SVIL: variants seen among roughly 807,000 people sequenced by gnomAD.
SVIL encodes the protein supervillin, also known as archvillin.
In SVIL, 101 loss-of-function variants were observed where a neutral mutation model predicts 240.4. The ratio of observed to expected loss-of-function variants is 0.42; its 90% CI spans 0.36 to 0.50. The LOEUF (loss-of-function observed/expected upper bound fraction) is 0.50, where lower values mean the gene tolerates loss of function less well. SVIL is among the 20% of genes least tolerant of loss of function. SVIL has a pLI of 0.01. For missense variants in SVIL, 2,512 were observed against 2,818.7 expected (o/e 0.89, Z 2.46); for synonymous variants, 999 against 1,100.0 (o/e 0.91, Z 1.82).
intron 1 of SVIL, among the ~76,000 whole-genome samples, chr10:29,617,587 AAAAAG>A (rs1326732556): frequency 2.0e-5 from 3 of 151,954 alleles, no homozygotes; most frequent in South Asian, 2.1e-4. Flanking sequence ...CTAAAAAAAA[AAAAAG>A]AAAGAAAGAA....
chr10:29,527,151 T>A (rs1950978188), intron 12 of SVIL, 95 bp from the exon 13 acceptor site: 19 of 1,146,858 alleles, frequency 1.7e-5, no homozygotes, highest in Non-Finnish European at 2.4e-5. Context: ...AAACGTTAAA[T>A]CAAAAATTTT....
upstream of SVIL, among the ~76,000 whole-genome samples, chr10:29,639,700 C>T (rs189424588): frequency 2.0e-4 from 30 of 152,028 alleles, no homozygotes; most frequent in East Asian, 2.7e-3. Flanking sequence ...CTTCTAACCT[C>T]GCGTGATCTG....
At chr10:29,645,335 C>T (rs951760508) in intron 3 of SVIL, among the ~76,000 whole-genome samples, 3 of 151,984 alleles carry the variant, frequency 2.0e-5, no homozygotes, top group Non-Finnish European at 4.4e-5. Flanking sequence ...TTTGGGAGGC[C>T]GAGGCGAGAG....
chr10:29,498,246 G>A (rs1042758542), intron 18 of SVIL, among the ~76,000 whole-genome samples: 20 of 151,874 alleles, frequency 1.3e-4, no homozygotes, highest in African/African-American at 2.9e-4. Flanking sequence ...GTGAAACTCC[G>A]TCTGTATTAA....
At chr10:29,719,734 T>C (rs1927457) in intron 1 of SVIL, among the ~76,000 whole-genome samples, 50,434 of 151,870 alleles carry the variant, frequency 0.33, 8,732 homozygotes, top group East Asian at 0.48. Flanking sequence ...GAAAAGACTA[T>C]TGAACTTGAA....
At chr10:29,553,495 C>T (rs1390619197) in intron 5 of SVIL, among the ~76,000 whole-genome samples, 7 of 152,070 alleles carry the variant, frequency 4.6e-5, no homozygotes, top group African/African-American at 9.7e-5. Context: ...GCAGGAGAAT[C>T]GCTTAAACCT....
At chr10:29,525,813 C>T (rs1215621197) in intron 13 of SVIL, among the ~76,000 whole-genome samples, 2 of 152,086 alleles carry the variant, frequency 1.3e-5, no homozygotes, top group African/African-American at 4.8e-5. Flanking sequence ...AATGCACAGG[C>T]TATCCCAGGC....
intron 18 of SVIL, among the ~76,000 whole-genome samples, chr10:29,497,543 A>T (rs556389536): frequency 6.6e-6 from 1 of 152,308 alleles, no homozygotes; most frequent in East Asian, 1.9e-4. Context: ...ATAGGCATCA[A>T]ATCAGTTCCA....
intron 3 of SVIL, among the ~76,000 whole-genome samples, chr10:29,655,985 C>T (rs374514490): frequency 9.2e-5 from 14 of 151,406 alleles, no homozygotes; most frequent in African/African-American, 2.9e-4. Flanking sequence ...CTTCTCCTGC[C>T]TCAGCCTCCC....
chr10:29,704,811 C>A (rs182075930), intron 1 of SVIL, among the ~76,000 whole-genome samples: 3 of 148,148 alleles, frequency 2.0e-5, no homozygotes, highest in South Asian at 2.1e-4. Context: ...CAAGCCCTAC[C>A]TAATCTCCCA....
intron 1 of SVIL, among the ~76,000 whole-genome samples, chr10:29,691,212 ATTT>A (rs1364591858): frequency 7.0e-6 from 1 of 142,476 alleles, no homozygotes. Flanking sequence ...ATAATGAATA[ATTT>A]TTTTTTTTTT....
Position 29,495,408 on chromosome 10 carries a change from C to T in SVIL, c.3665-227G>A, listed in dbSNP as rs28422079. ...CCAAGGACTGTAGTGGCTGACAAGC[C>T]GATATTCCAAAATGAACGGTGGAGA... On this transcript the variant is annotated intron_variant, in intron 18 of 37. Transcript: ENST00000355867. Among the ~76,000 whole-genome samples, 9,119 of 151,210 alleles carry T rather than the reference C, an allele frequency of 0.06. 893 individuals carry two copies. Among genetic ancestry groups the T allele is most frequent in the African/African-American group, 0.2 (8,206 of 40,580 alleles).
chr10:29,487,091 C>T (rs1296452636), intron 24 of SVIL, 72 bp downstream of exon 24: 54 of 1,547,374 alleles, frequency 3.5e-5, no homozygotes, highest in South Asian at 4.8e-5. Context: ...TTGTGACTGA[C>T]GTCAGGAAGA....
At chr10:29,505,251 G>A (rs1474255250) in intron 17 of SVIL, among the ~76,000 whole-genome samples, 2 of 152,110 alleles carry the variant, frequency 1.3e-5, no homozygotes, top group African/African-American at 4.8e-5. Flanking sequence ...GCTTGAACCC[G>A]GGAGGTGGAG....
chr10:29,659,756 C>T (rs952161974), intron 2 of SVIL, among the ~76,000 whole-genome samples: 2 of 152,132 alleles, frequency 1.3e-5, no homozygotes, highest in African/African-American at 2.4e-5. Flanking sequence ...GAGATGGTTG[C>T]GGTAAACACA....
At chr10:29,637,481 A>G (rs973136334), upstream of SVIL, among the ~76,000 whole-genome samples, 2 of 152,226 alleles carry the variant, frequency 1.3e-5, no homozygotes, top group African/African-American at 2.4e-5. Context: ...CCACAGAGTG[A>G]GACTCCGTCT....
At chr10:29,622,846 T>C (rs908543128) in intron 1 of SVIL, among the ~76,000 whole-genome samples, 3 of 152,216 alleles carry the variant, frequency 2.0e-5, no homozygotes, top group African/African-American at 7.2e-5. Context: ...AACCGCTCCC[T>C]AAGCGAGAGC....
chr10:29,550,891 C>T lies in SVIL; in HGVS notation c.533G>A (p.Cys178Tyr). 6.2e-7 allele frequency: 1 copy of T among 1,614,110 alleles called. No individual in the cohort carries two copies. The highest frequency in any genetic ancestry group is 8.5e-7 in the Non-Finnish European group (1 of 1,180,012). ...PGTETMGLRT[C>Y]AGESKDYALH... The stretch of plus-strand genomic sequence containing the variant: ...GGCATAGTCCTTGGATTCACCGGCA[C>T]AGGTCCTGAGCCCCATCGTCTCGGT... The change falls in exon 6 of 38, where the codon TGT (cysteine) becomes TAT (tyrosine). Residue 178 changes from cysteine to tyrosine, a missense_variant. Coordinates refer to ENST00000355867, the MANE Select transcript of SVIL (RefSeq NM_021738.3).
intron 1 of SVIL, among the ~76,000 whole-genome samples, chr10:29,719,135 A>G (rs1963822694): frequency 6.6e-6 from 1 of 152,042 alleles, no homozygotes; most frequent in South Asian, 2.1e-4. Context: ...AGAATGGAAA[A>G]ACTCATAATT....
Sources: allele counts gnomAD v4.1 joint callset (sites outside exome capture counted in the v4.1 genomes callset), GRCh38; gene constraint gnomAD v4.1.1; transcripts MANE v1.5; gene names NCBI Gene and HGNC (gene_info 2026-07-23, HGNC 2026-07-21).